The following ULK4 variants were observed in gnomAD, a reference collection of about 807,000 sequenced individuals.
ULK4 encodes the protein inactive serine/threonine-protein kinase ULK4.
A neutral mutation model predicts 160.6 loss-of-function variants in ULK4; 133 were observed. That is an observed-to-expected ratio of 0.83 (90% CI 0.72 to 0.96). ULK4 has a LOEUF of 0.96. ULK4 is among the 40% of genes least tolerant of loss of function. The pLI, the probability that ULK4 is intolerant of heterozygous loss-of-function variation, is 0.00. For synonymous variants in ULK4, 534 were observed against 539.8 expected (o/e 0.99, Z 0.15); for missense variants, 1,580 against 1,499.5 (o/e 1.05, Z -0.89).
chr3:41,359,244 A>G (rs1457007455), intron 35 of ULK4, among the ~76,000 whole-genome samples: 1 of 152,230 alleles, frequency 6.6e-6, no homozygotes, highest in Non-Finnish European at 1.5e-5. Flanking sequence ...GATGTGGAGC[A>G]TGCAGCTGAC....
At chr3:41,597,710 C>G (rs1230379685) in intron 31 of ULK4, among the ~76,000 whole-genome samples, 4 of 152,148 alleles carry the variant, frequency 2.6e-5, no homozygotes, top group African/African-American at 9.7e-5. Context: ...AATCGCTTCT[C>G]TTTGATTACT....
chr3:41,444,637 C>T (rs1390697910), intron 34 of ULK4, among the ~76,000 whole-genome samples: 1 of 151,992 alleles, frequency 6.6e-6, no homozygotes, highest in Non-Finnish European at 1.5e-5. Flanking sequence ...AAAAACTTAA[C>T]CATTAATTAT....
chr3:41,865,899 A>C (rs781326255), intron 17 of ULK4, among the ~76,000 whole-genome samples: 17 of 152,234 alleles, frequency 1.1e-4, no homozygotes, highest in Non-Finnish European at 1.8e-4. Context: ...CAACAAAAGA[A>C]CCATTCGTAA....
chr3:41,703,872 AC>A (rs1559496426), intron 27 of ULK4, among the ~76,000 whole-genome samples: 4,149 of 134,912 alleles, frequency 0.031, 188 homozygotes, highest in African/African-American at 0.13. Flanking sequence ...ACACACACAC[AC>A]ACAAGTTAAC....
In ULK4 at chr3:41,681,605, G is replaced by T. The variant is rs748279470; in HGVS notation, c.2881C>A (p.Leu961Ile). 2 of 1,613,912 alleles carry T rather than the reference G, an allele frequency of 1.2e-6. No individual in the cohort carries two copies. Among genetic ancestry groups the T allele is most frequent in the South Asian group, 2.2e-5 (2 of 91,066 alleles). ...SLRLLSETTS[L>I]LVNQEFGDGK... ...TCCCCAAACTCCTGGTTCACGAGTAGAGATGTGGTTTCTGAGAGCAACCGC... is the reference window on the plus strand; with the variant it reads ...TCCCCAAACTCCTGGTTCACGAGTATAGATGTGGTTTCTGAGAGCAACCGC... Residue 961 changes from leucine (L) to isoleucine (I), a missense_variant, in exon 29 of 37, where the codon CTA becomes ATA. Coordinates refer to ENST00000301831, the MANE Select transcript of ULK4 (RefSeq NM_017886.4).
At chr3:41,734,595 A>G (rs1259794650) in intron 22 of ULK4, among the ~76,000 whole-genome samples, 1 of 152,220 alleles carries the variant, frequency 6.6e-6, no homozygotes, top group East Asian at 1.9e-4. Context: ...AAGAAGGCTC[A>G]GCAAATGAAA....
intron 22 of ULK4, among the ~76,000 whole-genome samples, chr3:41,738,875 A>C (rs775315727): frequency 2.1e-4 from 32 of 151,930 alleles, no homozygotes; most frequent in Non-Finnish European, 4.1e-4. Flanking sequence ...CTCTGCAGCA[A>C]TTCTACAAGC....
intron 30 of ULK4, among the ~76,000 whole-genome samples, chr3:41,660,127 T>TA (rs2035095977): frequency 6.6e-6 from 1 of 151,916 alleles, no homozygotes; most frequent in Non-Finnish European, 1.5e-5. Context: ...CTGTCTCTAC[T>TA]AAAAAATACA....
At chr3:41,611,794 G>T (rs2032692414) in intron 31 of ULK4, among the ~76,000 whole-genome samples, 1 of 152,072 alleles carries the variant, frequency 6.6e-6, no homozygotes, top group Non-Finnish European at 1.5e-5. Flanking sequence ...ATTTTAAAGA[G>T]CATAAATTAT....
At chr3:41,422,724 T>C (rs2082689066) in intron 34 of ULK4, among the ~76,000 whole-genome samples, 2 of 152,192 alleles carry the variant, frequency 1.3e-5, no homozygotes, top group Admixed American at 1.3e-4. Flanking sequence ...CAAGTACATT[T>C]ATACACTGTT....
chr3:41,741,398 A>G (rs1198564481), intron 22 of ULK4, among the ~76,000 whole-genome samples: 1 of 151,972 alleles, frequency 6.6e-6, no homozygotes, highest in Non-Finnish European at 1.5e-5. Flanking sequence ...TTATCTATAT[A>G]CAATGAATAT....
At chr3:41,647,155 G>T (rs181866759) in intron 30 of ULK4, among the ~76,000 whole-genome samples, 1 of 152,044 alleles carries the variant, frequency 6.6e-6, no homozygotes, top group South Asian at 2.1e-4. Flanking sequence ...CCTGTAGCTC[G>T]GAGTAGTTTG....
chr3:41,660,028 G>A (rs1342239199), intron 30 of ULK4, among the ~76,000 whole-genome samples: 4 of 152,108 alleles, frequency 2.6e-5, no homozygotes, highest in African/African-American at 4.8e-5. Context: ...GGTGGCTCAC[G>A]CCTGTAATAC....
intron 8 of ULK4, among the ~76,000 whole-genome samples, chr3:41,913,964 G>A (rs992041485): frequency 3.9e-5 from 6 of 152,108 alleles, no homozygotes; most frequent in Non-Finnish European, 5.9e-5. Context: ...CCCCGTCTCC[G>A]GGAGGGGGTG....
Position 41,771,586 on chromosome 3 carries a change from A to G in ULK4, c.2194-17098T>C, listed in dbSNP as rs115412575. On this transcript the variant is annotated intron_variant, in intron 21 of 36. Transcript: ENST00000301831. Reference sequence around the variant, plus strand: ...ATCATGAATATCTGTGAGATGTTACAATGCTTTTCCTTTCAAATCATACTG... The same window carrying G: ...ATCATGAATATCTGTGAGATGTTACGATGCTTTTCCTTTCAAATCATACTG... 6.6e-3 allele frequency among the ~76,000 whole-genome samples: 999 copies of G among 152,128 alleles called. 9 individuals carry two copies. Among genetic ancestry groups the G allele is most frequent in the African/African-American group, 0.023 (965 of 41,408 alleles).
At chr3:41,719,769 C>T (rs1405959177) in intron 22 of ULK4, among the ~76,000 whole-genome samples, 1 of 152,154 alleles carries the variant, frequency 6.6e-6, no homozygotes, top group Non-Finnish European at 1.5e-5. Flanking sequence ...CTAAACTAAT[C>T]TTGTCCATCA....
At chr3:41,424,177 G>A (rs1424254228) in intron 34 of ULK4, among the ~76,000 whole-genome samples, 1 of 151,944 alleles carries the variant, frequency 6.6e-6, no homozygotes, top group Non-Finnish European at 1.5e-5. Flanking sequence ...GGCATATAGT[G>A]GCCAGATTGA....
At position 41,589,152 on chromosome 3, in the gene ULK4, T is replaced by C. The variant is rs930974134; in HGVS notation, c.3121-23022A>G. ...AAAATAACTTAGCACAGGACTATGATCTCTAAAAGAGAAAAAAATAAGTGA... is the reference window on the plus strand; with the variant it reads ...AAAATAACTTAGCACAGGACTATGACCTCTAAAAGAGAAAAAAATAAGTGA... On this transcript the variant is annotated intron_variant, in intron 31 of 36. Coordinates refer to ENST00000301831, the MANE Select transcript of ULK4 (RefSeq NM_017886.4). Among the ~76,000 whole-genome samples, 3 of 151,860 alleles carry C rather than the reference T, an allele frequency of 2.0e-5. No individual in the cohort carries two copies. The South Asian group carries it at 6.2e-4, about 32-fold the overall frequency.
At position 41,310,850 on chromosome 3, in the gene ULK4, A is replaced by C. The variant is rs575569083; in HGVS notation, c.3679-61276T>G. 1.2e-4 allele frequency among the ~76,000 whole-genome samples: 18 copies of C among 151,888 alleles called. No individual in the cohort carries two copies. The South Asian group carries it at 3.1e-3, about 26-fold the overall frequency. On this transcript the variant is annotated intron_variant, in intron 35 of 36. Coordinates refer to ENST00000301831, the MANE Select transcript of ULK4 (RefSeq NM_017886.4). ...TCTAGAAAAAATTTAAAAATTAGCT[A>C]TGTGTGGTGATATGTGCCTGTAGTC... is the stretch of plus-strand genomic sequence containing the variant.
Sources: gnomAD v4.1 joint callset for allele counts (sites outside exome capture counted in the v4.1 genomes callset) on GRCh38, gnomAD v4.1.1 for gene constraint, MANE v1.5 for transcripts, NCBI Gene and HGNC (gene_info 2026-07-23, HGNC 2026-07-21) for gene names.